Variants in NOL10 observed in about 807,000 individuals in gnomAD.
The protein encoded by NOL10 is nucleolar protein 10, also known as H_NH0074G24.1.
In NOL10, 58 loss-of-function variants were observed where a neutral mutation model predicts 103.5. The ratio of observed to expected loss-of-function variants is 0.56; its 90% CI spans 0.45 to 0.70. NOL10 has a LOEUF of 0.70. Among genes scored for constraint, NOL10 ranks in the 30% least tolerant of loss-of-function variants. NOL10 has a pLI of 0.00. For synonymous variants in NOL10, 287 were observed against 282.5 expected (o/e 1.02, Z -0.16); for missense variants, 763 against 807.3 (o/e 0.95, Z 0.67).
At chr2:10,674,059 AG>A (rs1681127477) in intron 4 of NOL10, among the ~76,000 whole-genome samples, 1 of 150,962 alleles carries the variant, frequency 6.6e-6, no homozygotes. Flanking sequence ...AAAAAAAAAC[AG>A]AAAAAAAATT....
At chr2:10,641,806 C>CGTG (rs1327036816) in intron 13 of NOL10, among the ~76,000 whole-genome samples, 3 of 152,136 alleles carry the variant, frequency 2.0e-5, no homozygotes, top group Admixed American at 2.0e-4. Context: ...GTAAGGTGGC[C>CGTG]TCACTGCAAC....
At chr2:10,632,355 C>T (rs140155910) in intron 13 of NOL10, among the ~76,000 whole-genome samples, 115 of 152,340 alleles carry the variant, frequency 7.5e-4, no homozygotes, top group African/African-American at 2.7e-3. Flanking sequence ...AGCTACTCAA[C>T]TTTGCCATTA....
rs1337456436 is a variant in NOL10, at chr2:10,589,335, A to C, written c.1597-45T>G. The C allele has an allele frequency of 3.1e-6, 5 of 1,604,392 alleles. No homozygotes were observed. In the South Asian group the frequency reaches 5.5e-5, roughly 18 times the overall value. On this transcript the variant is annotated intron_variant, in intron 18 of 20. Coordinates refer to ENST00000381685, the MANE Select transcript of NOL10 (RefSeq NM_024894.4). ...GCAGCAACTCCTTTCCCCCAGTCAAACACAGACCCCTTGGTTTCTCTGAAG... is the reference window on the plus strand; with the variant it reads ...GCAGCAACTCCTTTCCCCCAGTCAACCACAGACCCCTTGGTTTCTCTGAAG...
chr2:10,664,056 G>A (rs1226783034), intron 8 of NOL10, among the ~76,000 whole-genome samples: 3 of 151,570 alleles, frequency 2.0e-5, no homozygotes, highest in Admixed American at 6.6e-5. Flanking sequence ...GGGAGGCAGA[G>A]GCTACAGCGA....
In NOL10 at chr2:10,662,952, T is replaced by C. The variant is rs1181283281; in HGVS notation, c.677+7A>G. On this transcript the variant is annotated splice_region_variant and intron_variant, in intron 9 of 20. Coordinates refer to ENST00000381685, the MANE Select transcript of NOL10 (RefSeq NM_024894.4). ...AACATTTACATTGCAAATTAATTTC[T>C]ACTTACTCTGAATCTGCTGTGACAC... 2 of 1,606,222 alleles carry C rather than the reference T, an allele frequency of 1.2e-6. No homozygotes were observed. Among genetic ancestry groups the C allele is most frequent in the African/African-American group, 2.7e-5 (2 of 74,768 alleles).
intron 19 of NOL10, among the ~76,000 whole-genome samples, chr2:10,585,009 C>T (rs1674950068): frequency 6.6e-6 from 1 of 152,198 alleles, no homozygotes; most frequent in Non-Finnish European, 1.5e-5. Context: ...TGGTTACACT[C>T]AAAACAACTG....
chr2:10,689,712 C>T (rs1403115339), intron 1 of NOL10, 84 bp downstream of exon 1: 4 of 1,370,388 alleles, frequency 2.9e-6, no homozygotes, highest in East Asian at 5.0e-5. Context: ...AAAACAGAGG[C>T]TAGGGCCGAG....
Position 10,593,713 on chromosome 2 carries a change from T to C in NOL10, c.1423-3962A>G, listed in dbSNP as rs959336140. The stretch of plus-strand genomic sequence containing the variant: ...GCCCCAGCCCTTTCCCACGGAGAAG[T>C]TGCTTGGCTGAGGCTGGCACTGCAA... On this transcript the variant is annotated intron_variant, in intron 17 of 20. Coordinates refer to ENST00000381685, the MANE Select transcript of NOL10 (RefSeq NM_024894.4). Among the ~76,000 whole-genome samples the C allele has an allele frequency of 5.3e-5, 8 of 152,116 alleles. No individual in the cohort carries two copies. In the East Asian group the frequency reaches 7.7e-4, roughly 15 times the overall value.
At chr2:10,682,511 C>T (rs1681848344) in intron 2 of NOL10, among the ~76,000 whole-genome samples, 2 of 150,532 alleles carry the variant, frequency 1.3e-5, no homozygotes, top group African/African-American at 2.4e-5. Flanking sequence ...GCGATCCTCA[C>T]ACCTCAGCCC....
intron 12 of NOL10, among the ~76,000 whole-genome samples, chr2:10,648,843 T>C (rs1282758049): frequency 6.6e-6 from 1 of 151,786 alleles, no homozygotes; most frequent in Non-Finnish European, 1.5e-5. Context: ...GTCAACGTCA[T>C]GGAGAAGAAA....
At chr2:10,653,969 T>C (rs1679655150) in intron 12 of NOL10, among the ~76,000 whole-genome samples, 1 of 152,210 alleles carries the variant, frequency 6.6e-6, no homozygotes, top group Non-Finnish European at 1.5e-5. Flanking sequence ...TCCCATACTC[T>C]GAAATTCTTC....
intron 3 of NOL10, among the ~76,000 whole-genome samples, chr2:10,678,746 G>C (rs558870513): frequency 6.6e-6 from 1 of 152,210 alleles, no homozygotes; most frequent in African/African-American, 2.4e-5. Context: ...TACCGAGATT[G>C]AAAGAAAAAC....
intron 20 of NOL10, among the ~76,000 whole-genome samples, chr2:10,577,285 T>G (rs1209290830): frequency 6.6e-6 from 1 of 152,190 alleles, no homozygotes; most frequent in Non-Finnish European, 1.5e-5. Context: ...GTAGTAGCCC[T>G]ACATCTTTAG....
In NOL10 at chr2:10,684,618, A is replaced by C. The variant is rs770101148; in HGVS notation, c.67-6T>G. 3.8e-6 allele frequency: 6 copies of C among 1,558,892 alleles called. No homozygotes were observed. Among genetic ancestry groups the C allele is most frequent in the Non-Finnish European group, 5.2e-6 (6 of 1,149,864 alleles). ...TTCTTCCTATCAGAAAGCCACTTAAAGAAAATGAAGAGAGTTTATTTTAAA... is the reference window on the plus strand; with the variant it reads ...TTCTTCCTATCAGAAAGCCACTTAACGAAAATGAAGAGAGTTTATTTTAAA... On this transcript the variant is annotated splice_polypyrimidine_tract_variant and splice_region_variant and intron_variant, in intron 1 of 20. Coordinates refer to ENST00000381685, the MANE Select transcript of NOL10 (RefSeq NM_024894.4).
chr2:10,599,584 C>T (rs1161992326), intron 17 of NOL10, among the ~76,000 whole-genome samples: 1 of 152,142 alleles, frequency 6.6e-6, no homozygotes, highest in Non-Finnish European at 1.5e-5. Context: ...TCAACATTGG[C>T]ATACTATTCA....
Position 10,587,216 on chromosome 2 carries a change from T to C in NOL10, c.1844+1827A>G, listed in dbSNP as rs56140798. On this transcript the variant is annotated intron_variant, in intron 19 of 20. Transcript: ENST00000381685. ...ACACATATATATACACATATATATA[T>C]ACATATATATACATATATATATACA... Among the ~76,000 whole-genome samples, 956 of 33,242 alleles carry C rather than the reference T, an allele frequency of 0.029. 301 individuals are homozygous for C. In the East Asian group the frequency reaches 0.29, roughly 10 times the overall value. The allele number at this position is 33,242 out of a possible 152,430, so 21.8% of individuals were successfully genotyped here.
At position 10,662,976 on chromosome 2, in the gene NOL10, A is replaced by G. The variant is rs1414402227; in HGVS notation, c.660T>C (p.Ser220=). ...RVGLLDCALN[S]VTADSEINSL... ...CTACTTACTCTGAATCTGCTGTGAC[A>G]CTGTTTAAGGCGCAGTCTAACAGGC... The change falls in exon 9 of 21, where the codon AGT becomes AGC. Residue 220 remains serine (S), a synonymous_variant. Transcript: ENST00000381685. 2.0e-5 allele frequency: 33 copies of G among 1,613,612 alleles called. No homozygotes were observed. Among genetic ancestry groups the G allele is most frequent in the Non-Finnish European group, 2.6e-5 (31 of 1,179,542 alleles).
intron 11 of NOL10, among the ~76,000 whole-genome samples, chr2:10,655,357 T>A (rs943186020): frequency 6.6e-6 from 1 of 151,700 alleles, no homozygotes; most frequent in Non-Finnish European, 1.5e-5. Flanking sequence ...ATGGCCAGCA[T>A]GGAAAATGAG....
At chr2:10,591,441 G>C (rs1675385252) in intron 17 of NOL10, among the ~76,000 whole-genome samples, 1 of 152,132 alleles carries the variant, frequency 6.6e-6, no homozygotes, top group African/African-American at 2.4e-5. Context: ...GAAATCTGAA[G>C]AAACAGCATT....
Sources: gnomAD v4.1 joint callset for allele counts (sites outside exome capture counted in the v4.1 genomes callset) on GRCh38, gnomAD v4.1.1 for gene constraint, MANE v1.5 for transcripts, NCBI Gene and HGNC (gene_info 2026-07-23, HGNC 2026-07-21) for gene names.